DLEC1: variants seen among roughly 807,000 people sequenced by gnomAD.
DLEC1 encodes the protein deleted in lung and esophageal cancer protein 1.
DLEC1 carries 146 observed loss-of-function variants against 198.1 expected under a neutral mutation model. That is an observed-to-expected ratio of 0.74 (90% CI 0.64 to 0.85). DLEC1 has a LOEUF of 0.85. Ranked by LOEUF, DLEC1 falls within the 40% of genes least tolerant of loss-of-function variation. The pLI is 0.00. For synonymous variants in DLEC1, 897 were observed against 866.8 expected, an observed-to-expected ratio of 1.03 and a Z score of -0.61; for missense variants, 2,233 against 2,220.0, an observed-to-expected ratio of 1.01 and a Z score of -0.12.
chr3:38,070,562 C>G (rs1262058465), intron 6 of DLEC1, among the ~76,000 whole-genome samples: 1 of 152,182 alleles, frequency 6.6e-6, no homozygotes, highest in Admixed American at 6.5e-5. Flanking sequence ...TTTTAATCAC[C>G]TGGGTGCAGG....
chr3:38,081,954 C>A (rs1698050706), intron 6 of DLEC1, among the ~76,000 whole-genome samples: 1 of 142,234 alleles, frequency 7.0e-6, no homozygotes, highest in Non-Finnish European at 1.6e-5. Context: ...TCCTCACTTC[C>A]CAGATGGGGT....
At chr3:38,082,763 G>T (rs1434628694) in intron 6 of DLEC1, among the ~76,000 whole-genome samples, 4 of 151,444 alleles carry the variant, frequency 2.6e-5, no homozygotes, top group Non-Finnish European at 5.9e-5. Flanking sequence ...TGGAGAGAAG[G>T]GGTTGGGGTA....
At chr3:38,050,140 C>G (rs9872224) in intron 2 of DLEC1, among the ~76,000 whole-genome samples, 48,232 of 151,576 alleles carry the variant, frequency 0.32, 7,976 homozygotes, top group East Asian at 0.56. Flanking sequence ...GCAATCTTAG[C>G]TCACTGCAAC....
chr3:38,079,489 T>C (rs537389822), intron 6 of DLEC1, among the ~76,000 whole-genome samples: 7 of 152,230 alleles, frequency 4.6e-5, no homozygotes, highest in East Asian at 1.9e-4. Flanking sequence ...CAAAGCTCGG[T>C]GTCCGTGATG....
rs376481047 is a variant in DLEC1 at position 38,100,330 on chromosome 3, T to A, written c.2769T>A (p.Ser923=). 34 of 1,613,712 alleles carry A rather than the reference T, an allele frequency of 2.1e-5. No individual in the cohort carries two copies. Among genetic ancestry groups the A allele is most frequent in the African/African-American group, 4.0e-5 (3 of 74,896 alleles). ...DIEPSSGQLH[S]LGECRVDITL... ...AGCCTTCGAGTGGCCAGCTTCACTCTCTGGGGGAGTGCAGGGTGGACATCA... is the reference window on the plus strand; with the variant it reads ...AGCCTTCGAGTGGCCAGCTTCACTCACTGGGGGAGTGCAGGGTGGACATCA... The change falls in exon 19 of 37, where the codon TCT becomes TCA. Residue 923 remains serine, a synonymous_variant. Transcript: ENST00000308059.
At chr3:38,077,405 C>T (rs113072445) in intron 6 of DLEC1, among the ~76,000 whole-genome samples, 12,709 of 152,208 alleles carry the variant, frequency 0.083, 782 homozygotes, top group African/African-American at 0.16. Flanking sequence ...TGTAGCATTC[C>T]GAGGACAGGT....
chr3:38,088,686 C>T (rs1263487330), intron 10 of DLEC1, among the ~76,000 whole-genome samples: 6 of 152,168 alleles, frequency 3.9e-5, no homozygotes, highest in African/African-American at 1.4e-4. Context: ...CCAAGATCTT[C>T]GCTTGGTTCT....
intron 10 of DLEC1, among the ~76,000 whole-genome samples, chr3:38,090,274 C>T (rs933330123): frequency 6.6e-6 from 1 of 152,196 alleles, no homozygotes; most frequent in African/African-American, 2.4e-5. Flanking sequence ...ACCCCAGTTC[C>T]TCAGCCATCC....
chr3:38,110,388 T>TG (rs2125724046), intron 23 of DLEC1, 107 bp downstream of exon 23: 1 of 1,328,680 alleles, frequency 7.5e-7, no homozygotes, highest in African/African-American at 1.5e-5. Context: ...GTGTGAGAGA[T>TG]GGGAGTGTGT....
At chr3:38,097,141 A>AG (rs1428184727) in intron 15 of DLEC1, 41 bp from the exon 16 acceptor site, 2 of 1,504,668 alleles carry the variant, frequency 1.3e-6, no homozygotes, top group East Asian at 4.9e-5. Context: ...ATTGACATGA[A>AG]GGGGCAGTAA....
At chr3:38,089,218 C>T (rs1698618477) in intron 10 of DLEC1, among the ~76,000 whole-genome samples, 2 of 152,212 alleles carry the variant, frequency 1.3e-5, no homozygotes, top group Non-Finnish European at 2.9e-5. Flanking sequence ...CTCAGCTGCA[C>T]ATTGCAATCA....
chr3:38,044,986 A>G (rs1256405908), intron 1 of DLEC1, among the ~76,000 whole-genome samples: 2 of 152,198 alleles, frequency 1.3e-5, no homozygotes, highest in African/African-American at 4.8e-5. Flanking sequence ...TGGGGGCCCA[A>G]CAAGCCTTGA....
At chr3:38,072,571 A>T (rs7373028) in intron 6 of DLEC1, among the ~76,000 whole-genome samples, 1 of 152,098 alleles carries the variant, frequency 6.6e-6, no homozygotes, top group South Asian at 2.1e-4. Flanking sequence ...TTCAAGGAAC[A>T]GAAAGAGGAG....
intron 6 of DLEC1, among the ~76,000 whole-genome samples, chr3:38,075,286 A>G (rs1292861223): frequency 6.6e-6 from 1 of 152,152 alleles, no homozygotes; most frequent in Non-Finnish European, 1.5e-5. Flanking sequence ...ACCTCAGACC[A>G]TTTGCCTATT....
chr3:38,076,730 A>C (rs996716171), intron 6 of DLEC1, among the ~76,000 whole-genome samples: 2 of 152,230 alleles, frequency 1.3e-5, no homozygotes, highest in African/African-American at 4.8e-5. Flanking sequence ...TTGGGCTCAG[A>C]GGCCTGACAT....
At chr3:38,050,262 G>T (rs1701051476) in intron 2 of DLEC1, among the ~76,000 whole-genome samples, 1 of 152,038 alleles carries the variant, frequency 6.6e-6, no homozygotes. Flanking sequence ...TAGAGACAGG[G>T]TCTTGCCATG....
At chr3:38,064,092 A>G (rs1284314102) in intron 6 of DLEC1, among the ~76,000 whole-genome samples, 173 bp downstream of exon 6, 6 of 148,350 alleles carry the variant, frequency 4.0e-5, no homozygotes, top group African/African-American at 1.3e-4. Flanking sequence ...GACAATAGTG[A>G]AGGGAAGGTC....
At chr3:38,105,706 T>A (rs547224713) in intron 19 of DLEC1, among the ~76,000 whole-genome samples, 8 of 152,310 alleles carry the variant, frequency 5.3e-5, no homozygotes, top group East Asian at 1.9e-4. Context: ...ATCATTTTTT[T>A]AAAATCCATT....
chr3:38,084,093 T>G, intron 6 of DLEC1, 65 bp from the exon 7 acceptor site: 1 of 1,482,068 alleles, frequency 6.7e-7, no homozygotes. Flanking sequence ...GAGTAAATCC[T>G]GGACATCGTA....
Sources: allele counts gnomAD v4.1 joint callset (sites outside exome capture counted in the v4.1 genomes callset), GRCh38; gene constraint gnomAD v4.1.1; transcripts MANE v1.5; gene names NCBI Gene and HGNC (gene_info 2026-07-23, HGNC 2026-07-21).